Variants in GLP2R observed in about 807,000 individuals in gnomAD.
GLP2R encodes the protein glucagon-like peptide 2 receptor.
A neutral mutation model predicts 68.2 loss-of-function variants in GLP2R; 59 were observed. That is an observed-to-expected ratio of 0.87 (90% CI 0.70 to 1.07). The LOEUF (loss-of-function observed/expected upper bound fraction) is 1.07. Ranked by LOEUF, GLP2R falls within the 50% of genes least tolerant of loss-of-function variation. GLP2R has a pLI of 0.00. For missense variants in GLP2R, 548 were observed against 677.4 expected (o/e 0.81, Z 2.12); for synonymous variants, 270 against 265.4 (o/e 1.02, Z -0.17).
At chr17:9,855,324 C>T (rs1028735289) in intron 5 of GLP2R, among the ~76,000 whole-genome samples, 1 of 152,166 alleles carries the variant, frequency 6.6e-6, no homozygotes, top group Non-Finnish European at 1.5e-5. Flanking sequence ...GGCATTGAGT[C>T]ACCTCTGGCC....
intron 7 of GLP2R, 131 bp downstream of exon 7, chr17:9,860,232 G>C: frequency 1.3e-6 from 1 of 795,048 alleles, no homozygotes; most frequent in Non-Finnish European, 1.9e-6. Context: ...CAAAGACAGG[G>C]AGCTTTGAAG....
chr17:9,877,627 A>C (rs1200798902), intron 10 of GLP2R, among the ~76,000 whole-genome samples: 5 of 152,202 alleles, frequency 3.3e-5, no homozygotes, highest in African/African-American at 7.2e-5. Context: ...CGGTGGCTCA[A>C]ACCTGTAATC....
intron 3 of GLP2R, 117 bp from the exon 4 acceptor site, chr17:9,842,378 C>A: frequency 2.4e-6 from 3 of 1,238,410 alleles, no homozygotes; most frequent in Non-Finnish European, 3.4e-6. Flanking sequence ...TGTTAATGAG[C>A]CCCCAAAAGG....
intron 6 of GLP2R, 52 bp from the exon 7 acceptor site, chr17:9,859,890 G>T (rs2066971294): frequency 1.5e-6 from 2 of 1,362,178 alleles, no homozygotes; most frequent in Admixed American, 4.8e-5. Context: ...CCCGACTCGG[G>T]ATCAGATGCA....
At chr17:9,842,866 G>C (rs921733774) in intron 4 of GLP2R, among the ~76,000 whole-genome samples, 29 of 152,208 alleles carry the variant, frequency 1.9e-4, no homozygotes, top group African/African-American at 6.3e-4. Flanking sequence ...ATTTGTGCTT[G>C]CTGTTCCCCG....
chr17:9,852,802 A>G (rs937050752), intron 4 of GLP2R: 7 of 270,754 alleles, frequency 2.6e-5, no homozygotes, highest in Non-Finnish European at 4.3e-5. Context: ...ATCTTCTTCA[A>G]CATCATCATC....
chr17:9,855,460 C>T (rs2152038055), intron 5 of GLP2R, among the ~76,000 whole-genome samples: 1 of 152,286 alleles, frequency 6.6e-6, no homozygotes, highest in African/African-American at 2.4e-5. Flanking sequence ...CCATTACCAC[C>T]ACAGCCCATT....
At position 9,861,703 on chromosome 17, in the gene GLP2R, T is replaced by C. The variant is rs555256456; in HGVS notation, c.987-318T>C. Among the ~76,000 whole-genome samples, 5 of 149,456 alleles carry C rather than the reference T, an allele frequency of 3.3e-5. No homozygotes were observed. In the South Asian group the frequency reaches 6.3e-4, roughly 19 times the overall value. ...CGTATATTGTGTGATCCCATTTTTT[T>C]CCTCCAAATAGCACACACAAAAAAC... On this transcript the variant is annotated intron_variant, in intron 8 of 12. Transcript: ENST00000262441.
chr17:9,833,200 G>A (rs1413811841), intron 1 of GLP2R, among the ~76,000 whole-genome samples: 1 of 152,046 alleles, frequency 6.6e-6, no homozygotes, highest in Non-Finnish European at 1.5e-5. Context: ...GGAGGCAGAG[G>A]TTGCAGTGAG....
chr17:9,883,568 C>T (rs7214680), intron 11 of GLP2R, among the ~76,000 whole-genome samples: 1 of 151,986 alleles, frequency 6.6e-6, no homozygotes, highest in Non-Finnish European at 1.5e-5. Flanking sequence ...TACAGTCAAA[C>T]AGTTGAAAGC....
chr17:9,847,105 G>T (rs1440388994), intron 4 of GLP2R, among the ~76,000 whole-genome samples: 1 of 152,178 alleles, frequency 6.6e-6, no homozygotes, highest in African/African-American at 2.4e-5. Flanking sequence ...GCACAGTAGC[G>T]CAGCGTTAGA....
rs766321032 is a variant in GLP2R, at chr17:9,836,438, T to C, written c.345T>C (p.Ser115=). 1.2e-6 allele frequency: 2 copies of C among 1,611,644 alleles called. No individual in the cohort carries two copies. Among genetic ancestry groups the C allele is most frequent in the South Asian group, 1.1e-5 (1 of 91,056 alleles). Residue 115 remains serine, a synonymous_variant, in exon 3 of 13, where the codon TCT becomes TCC. Transcript: ENST00000262441. ...CTCATTCTTCTCCTGGAAATGTCTC[T>C]GTACCCTGCCCTTCATACTTACCTT... ...CWPHSSPGNV[S]VPCPSYLPWW... is the part of the protein sequence containing the mutation.
chr17:9,876,106 A>G (rs6503259), intron 10 of GLP2R, among the ~76,000 whole-genome samples: 30,801 of 151,940 alleles, frequency 0.2, 4,242 homozygotes, highest in African/African-American at 0.36. Context: ...CCAACTCCCA[A>G]CCTCGGGTGA....
chr17:9,857,419 A>G lies in GLP2R; in HGVS notation c.612-4A>G. On this transcript the variant is annotated splice_polypyrimidine_tract_variant and splice_region_variant and intron_variant, in intron 5 of 12. Transcript: ENST00000262441. Reference sequence around the variant, plus strand: ...GGAAGGCATTTGGTTTTCTCCTCGCACAGAAAACTCCACTGCACGCGCAAC... The same window carrying G: ...GGAAGGCATTTGGTTTTCTCCTCGCGCAGAAAACTCCACTGCACGCGCAAC... The G allele has an allele frequency of 1.2e-6, 2 of 1,614,014 alleles. No homozygotes were observed. Among genetic ancestry groups the G allele is most frequent in the East Asian group, 2.2e-5 (1 of 44,880 alleles).
chr17:9,869,444 C>G (rs535953347), intron 9 of GLP2R, among the ~76,000 whole-genome samples: 115 of 152,356 alleles, frequency 7.5e-4, no homozygotes, highest in African/African-American at 2.7e-3. Flanking sequence ...AAACCCTGTT[C>G]TCATTCTCCA....
intron 4 of GLP2R, among the ~76,000 whole-genome samples, chr17:9,847,698 T>C (rs922934090): frequency 4.6e-5 from 7 of 152,174 alleles, no homozygotes; most frequent in Non-Finnish European, 8.8e-5. Context: ...TGCCAACAAG[T>C]TGAGCCCCAG....
Position 9,836,483 on chromosome 17 carries a change from G to A in GLP2R, c.382+8G>A, listed in dbSNP as rs2066732657. 1 of 1,540,882 alleles carries A rather than the reference G, an allele frequency of 6.5e-7. No homozygotes were observed. Among genetic ancestry groups the A allele is most frequent in the Admixed American group, 1.7e-5 (1 of 59,926 alleles). ...TACCTTGGTGGAGTGAAGGTAATAA[G>A]TCTTATTTTTACCAATTTTCCCCAA... On this transcript the variant is annotated splice_region_variant and intron_variant, in intron 3 of 12. Coordinates refer to ENST00000262441, the MANE Select transcript of GLP2R (RefSeq NM_004246.3).
At chr17:9,852,839 C>G (rs942753582) in intron 4 of GLP2R, 1 of 337,416 alleles carries the variant, frequency 3.0e-6, no homozygotes, top group Non-Finnish European at 5.6e-6. Flanking sequence ...TCTTCTCCAT[C>G]AGCAGGAAGT....
At chr17:9,884,374 A>G (rs886969013) in intron 11 of GLP2R, among the ~76,000 whole-genome samples, 1 of 152,192 alleles carries the variant, frequency 6.6e-6, no homozygotes, top group Non-Finnish European at 1.5e-5. Flanking sequence ...GAAAGAACTG[A>G]GGCTCAGAGG....
Sources: allele counts gnomAD v4.1 joint callset (sites outside exome capture counted in the v4.1 genomes callset), GRCh38; gene constraint gnomAD v4.1.1; transcripts MANE v1.5; gene names NCBI Gene and HGNC (gene_info 2026-07-23, HGNC 2026-07-21).